Variants in FKBP5 observed in about 807,000 individuals in gnomAD.
The protein encoded by FKBP5 is peptidyl-prolyl cis-trans isomerase FKBP5.
In FKBP5, 23 loss-of-function variants were observed where a neutral mutation model predicts 50.5. The ratio of observed to expected loss-of-function variants is 0.46; its 90% CI spans 0.33 to 0.65. FKBP5 has a LOEUF of 0.65. Ranked by LOEUF, FKBP5 falls within the 30% of genes least tolerant of loss-of-function variation. The pLI is 0.02. For missense variants in FKBP5, 411 were observed against 553.1 expected, an observed-to-expected ratio of 0.74 and a Z score of 2.58; for synonymous variants, 176 against 190.6, an observed-to-expected ratio of 0.92 and a Z score of 0.63.
rs1763005271 is a variant in FKBP5 at position 35,597,245 on chromosome 6, T to G, written c.665+3A>C. 4 of 1,613,710 alleles carry G rather than the reference T, an allele frequency of 2.5e-6. No homozygotes were observed. The highest frequency in any genetic ancestry group is 1.7e-6 in the Non-Finnish European group (2 of 1,179,910). On this transcript the variant is annotated splice_donor_region_variant and intron_variant, in intron 6 of 10. Transcript: ENST00000357266. ...CTGTGTTCCAAACTGGTATGCTGCT[T>G]ACCTTGGTCCAAGATATAAAATACA...
chr6:35,718,607 C>T (rs1310927077), intron 2 of FKBP5, among the ~76,000 whole-genome samples: 3 of 152,298 alleles, frequency 2.0e-5, no homozygotes, highest in Admixed American at 6.5e-5. Context: ...CCGGCCTCAC[C>T]TGGGAATCCC....
chr6:35,685,838 C>T lies in FKBP5; in HGVS notation c.-20+2966G>A, dbSNP rs535610162. ...CTCTACTAAAAATACAAAAATTAGCCGGACATGGTGGCGCAGGCCTGTAGT... is the reference window on the plus strand; with the variant it reads ...CTCTACTAAAAATACAAAAATTAGCTGGACATGGTGGCGCAGGCCTGTAGT... On this transcript the variant is annotated intron_variant, in intron 1 of 10. Coordinates refer to ENST00000357266, the MANE Select transcript of FKBP5 (RefSeq NM_004117.4). Among the ~76,000 whole-genome samples, 128 of 152,042 alleles carry T rather than the reference C, an allele frequency of 8.4e-4. 2 individuals carry two copies. Among genetic ancestry groups the T allele is most frequent in the African/African-American group, 3.0e-3 (124 of 41,476 alleles).
At chr6:35,586,511 A>C (rs1762603402) in intron 8 of FKBP5, 1 of 989,762 alleles carries the variant, frequency 1.0e-6, no homozygotes, top group Non-Finnish European at 1.2e-6. Context: ...TCACGCCTGT[A>C]ATCTCAGCAC....
chr6:35,611,487 G>A (rs191863841), intron 5 of FKBP5, among the ~76,000 whole-genome samples: 1 of 152,278 alleles, frequency 6.6e-6, no homozygotes, highest in African/African-American at 2.4e-5. Context: ...CAAATCAGAC[G>A]ATGTGAGAGA....
chr6:35,636,183 C>A (rs1764304918), intron 3 of FKBP5, among the ~76,000 whole-genome samples: 1 of 152,130 alleles, frequency 6.6e-6, no homozygotes, highest in African/African-American at 2.4e-5. Flanking sequence ...TTCATTAATA[C>A]CCACCAATCT....
At chr6:35,584,940 T>G in intron 8 of FKBP5, 1 of 985,488 alleles carries the variant, frequency 1.0e-6, no homozygotes, top group Non-Finnish European at 1.2e-6. Flanking sequence ...CAGACACTCA[T>G]TGCTTTCTGC....
chr6:35,725,331 G>A (rs1053630465), intron 1 of FKBP5, among the ~76,000 whole-genome samples: 3 of 152,128 alleles, frequency 2.0e-5, no homozygotes, highest in Admixed American at 6.5e-5. Context: ...GCTCTTGGAG[G>A]CAACTTACAT....
intron 2 of FKBP5, among the ~76,000 whole-genome samples, chr6:35,641,190 C>T (rs1237985073): frequency 6.6e-6 from 1 of 151,962 alleles, no homozygotes; most frequent in Non-Finnish European, 1.5e-5. Context: ...ACTATGTTGC[C>T]CAGGCTGGTC....
At chr6:35,578,134 TAAA>T (rs1018005810) in intron 9 of FKBP5, among the ~76,000 whole-genome samples, 4 of 151,544 alleles carry the variant, frequency 2.6e-5, no homozygotes, top group Non-Finnish European at 1.5e-5. Flanking sequence ...ATTTACATAT[TAAA>T]AAAAACCATA....
At chr6:35,670,254 A>G (rs1341667713) in intron 1 of FKBP5, among the ~76,000 whole-genome samples, 2 of 152,236 alleles carry the variant, frequency 1.3e-5, no homozygotes, top group Non-Finnish European at 2.9e-5. Flanking sequence ...ATTCACTTTT[A>G]GAAAAGCCAA....
intron 1 of FKBP5, among the ~76,000 whole-genome samples, chr6:35,646,266 T>C (rs1209631542): frequency 1.3e-5 from 2 of 152,238 alleles, no homozygotes; most frequent in Non-Finnish European, 2.9e-5. Flanking sequence ...AGGAATTAGC[T>C]CTTCATGTTT....
At chr6:35,689,866 T>TA (rs1765950078), upstream of FKBP5, among the ~76,000 whole-genome samples, 1 of 152,126 alleles carries the variant, frequency 6.6e-6, no homozygotes, top group South Asian at 2.1e-4. Flanking sequence ...ACGGCTGAGT[T>TA]CTTCCGCCAA....
intron 2 of FKBP5, among the ~76,000 whole-genome samples, chr6:35,705,598 A>C (rs1026021145): frequency 2.6e-5 from 4 of 152,144 alleles, no homozygotes; most frequent in African/African-American, 9.7e-5. Flanking sequence ...ATGCAAATGA[A>C]ATAATATAAA....
rs551313421 is a variant in FKBP5 at position 35,646,882 on chromosome 6, T to G, written c.-19-4039A>C. 1.5e-4 allele frequency among the ~76,000 whole-genome samples: 23 copies of G among 152,320 alleles called. No individual in the cohort carries two copies. In the East Asian group the frequency reaches 2.9e-3, roughly 19 times the overall value. ...CATAACAGAAAAATGAGAATACACT[T>G]AATATTTTATCAACAGTGTACTAAA... On this transcript the variant is annotated intron_variant, in intron 1 of 10. Coordinates refer to ENST00000357266, the MANE Select transcript of FKBP5 (RefSeq NM_004117.4).
At chr6:35,598,782 C>A (rs1391935577) in intron 5 of FKBP5, among the ~76,000 whole-genome samples, 1 of 151,718 alleles carries the variant, frequency 6.6e-6, no homozygotes, top group Non-Finnish European at 1.5e-5. Context: ...ACTAGCCTGG[C>A]CAACATGGCA....
At chr6:35,679,224 G>A (rs1765603566) in intron 1 of FKBP5, among the ~76,000 whole-genome samples, 1 of 152,186 alleles carries the variant, frequency 6.6e-6, no homozygotes, top group Non-Finnish European at 1.5e-5. Flanking sequence ...GTGTATGTAT[G>A]CAACTTTCAT....
At chr6:35,587,341 C>T (rs535280500) in intron 7 of FKBP5, among the ~76,000 whole-genome samples, 1 of 152,332 alleles carries the variant, frequency 6.6e-6, no homozygotes, top group South Asian at 2.1e-4. Flanking sequence ...AACAATGTTG[C>T]TCAAGAGAGA....
chr6:35,647,782 T>C (rs771599258), intron 1 of FKBP5, among the ~76,000 whole-genome samples: 7 of 152,224 alleles, frequency 4.6e-5, no homozygotes, highest in Non-Finnish European at 1.0e-4. Flanking sequence ...ATCCTTATTT[T>C]TGGAGTTCAG....
intron 1 of FKBP5, among the ~76,000 whole-genome samples, chr6:35,679,028 T>C (rs1765597010): frequency 6.6e-6 from 1 of 152,206 alleles, no homozygotes; most frequent in Admixed American, 6.5e-5. Context: ...GGCTGCAGCA[T>C]GCTGTGATTT....
Sources: allele counts gnomAD v4.1 joint callset (sites outside exome capture counted in the v4.1 genomes callset), GRCh38; gene constraint gnomAD v4.1.1; transcripts MANE v1.5; gene names NCBI Gene and HGNC (gene_info 2026-07-23, HGNC 2026-07-21).